ATP13A3: variants seen among roughly 807,000 people sequenced by gnomAD.
ATP13A3 encodes the protein polyamine-transporting ATPase 13A3.
Under a neutral mutation model 158.1 loss-of-function variants are expected in ATP13A3, and 59 were observed. That is an observed-to-expected ratio of 0.37 (90% CI 0.30 to 0.46). The LOEUF (loss-of-function observed/expected upper bound fraction) is 0.46. ATP13A3 is among the 20% of genes least tolerant of loss of function. The pLI is 1.00. For missense variants in ATP13A3, 1,166 were observed against 1,525.2 expected, an observed-to-expected ratio of 0.76 and a Z score of 3.92; for synonymous variants, 491 against 504.3, an observed-to-expected ratio of 0.97 and a Z score of 0.35.
intron 31 of ATP13A3, 71 bp from the exon 32 acceptor site, chr3:194,413,910 T>C (rs943018920): frequency 7.5e-7 from 1 of 1,340,734 alleles, no homozygotes; most frequent in African/African-American, 1.4e-5. Context: ...TATCATAATT[T>C]CTAAATTTAT....
intron 33 of ATP13A3, among the ~76,000 whole-genome samples, chr3:194,407,003 A>T (rs1403848715): frequency 1.3e-5 from 2 of 152,174 alleles, no homozygotes; most frequent in African/African-American, 4.8e-5. Flanking sequence ...GTTTTTAGTG[A>T]ATTTGGCCTT....
At chr3:194,479,023 C>G (rs1173786144) in intron 2 of ATP13A3, among the ~76,000 whole-genome samples, 3 of 152,174 alleles carry the variant, frequency 2.0e-5, no homozygotes, top group African/African-American at 4.8e-5. Flanking sequence ...AATAACTTAT[C>G]ATTGCCACAA....
rs570737469 is a variant in ATP13A3 at position 194,403,985 on chromosome 3, T to C, written c.*1934A>G. On this transcript the variant is annotated 3_prime_UTR_variant, in exon 34 of 34. Transcript: ENST00000645319. ...AAAGATGTTAAATACAATCGGATAA[T>C]TGAATTTTTAAGCTGCTACTTAGCA... 12 of 380,432 alleles carry C rather than the reference T, an allele frequency of 3.2e-5. No individual in the cohort carries two copies. Among genetic ancestry groups the C allele is most frequent in the African/African-American group, 2.1e-4 (10 of 46,732 alleles). The allele number at this position is 380,432 out of a possible 1,614,324, so 23.6% of individuals were successfully genotyped here. A position where few individuals can be genotyped will look rare whatever the true frequency, so the allele number is the denominator to read the frequency against.
chr3:194,414,943 T>C (rs1178800583), intron 31 of ATP13A3, among the ~76,000 whole-genome samples: 1 of 152,154 alleles, frequency 6.6e-6, no homozygotes, highest in African/African-American at 2.4e-5. Context: ...GCCTTTAACA[T>C]ATAGATGGTG....
At chr3:194,468,392 A>AAAAAAAAAAAAC (rs1720124881) in intron 2 of ATP13A3, among the ~76,000 whole-genome samples, 1 of 149,570 alleles carries the variant, frequency 6.7e-6, no homozygotes, top group African/African-American at 2.6e-5. Flanking sequence ...AGTTTAAAAA[A>AAAAAAAAAAAAC]AAAAAAAAAA....
chr3:194,467,775 T>C (rs1332749867), intron 2 of ATP13A3: 3 of 152,128 alleles, frequency 2.0e-5, no homozygotes, highest in African/African-American at 7.2e-5. Context: ...ATAAACATAT[T>C]TAAAATACAC....
chr3:194,418,348 A>G (rs1716043240), intron 31 of ATP13A3, among the ~76,000 whole-genome samples: 1 of 152,298 alleles, frequency 6.6e-6, no homozygotes, highest in African/African-American at 2.4e-5. Flanking sequence ...TTAAAAAGAG[A>G]TATTATAAAC....
rs572785801 is a variant in ATP13A3, at chr3:194,456,982, G to T, written c.560+112C>A. 2.1e-4 allele frequency: 134 copies of T among 625,178 alleles called. 4 individuals are homozygous for T. Among genetic ancestry groups the T allele is most frequent in the South Asian group, 1.9e-3 (68 of 36,542 alleles). The allele number at this position is 625,178 out of a possible 1,614,324, so 38.7% of individuals were successfully genotyped here. ...CAATAAATTCTCAACTACTATGTCT[G>T]TAATATTTAAGTATCTGTTAATATG... On this transcript the variant is annotated intron_variant, in intron 7 of 33. Transcript: ENST00000645319.
At chr3:194,442,847 A>C (rs1231651794) in intron 15 of ATP13A3, among the ~76,000 whole-genome samples, 2 of 152,154 alleles carry the variant, frequency 1.3e-5, no homozygotes, top group African/African-American at 2.4e-5. Flanking sequence ...TACTAAAAAG[A>C]CTAAGATTTA....
rs775426889 is a variant in ATP13A3 at position 194,402,872 on chromosome 3, G to A, written c.*3047C>T. ...ATAAAGTTACTTAAAAAAATCCAAGGTCTTAGGGAATTCACAAATCATAAC... is the reference window on the plus strand; with the variant it reads ...ATAAAGTTACTTAAAAAAATCCAAGATCTTAGGGAATTCACAAATCATAAC... On this transcript the variant is annotated 3_prime_UTR_variant, in exon 34 of 34. Transcript: ENST00000645319. 1.6e-4 allele frequency: 24 copies of A among 152,010 alleles called. No homozygotes were observed. The highest frequency in any genetic ancestry group is 2.8e-4 in the Non-Finnish European group (19 of 68,012). The allele number at this position is 152,010 out of a possible 1,614,324, so 9.4% of individuals were successfully genotyped here.
At position 194,486,897 on chromosome 3, in the gene ATP13A3, C is replaced by G. The variant is rs1189584951; in HGVS notation, c.-420G>C. On this transcript the variant is annotated 5_prime_UTR_variant, in exon 1 of 34. Transcript: ENST00000645319. ...CGGTCTGCACTCCGAAACGGCCCCC[C>G]CGCCGCCAGCGACGTAGAGAACCCC... 1 of 152,062 alleles carries G rather than the reference C, an allele frequency of 6.6e-6. No individual in the cohort carries two copies. Among genetic ancestry groups the G allele is most frequent in the African/African-American group, 2.4e-5 (1 of 41,404 alleles). The allele number at this position is 152,062 out of a possible 1,614,324, so 9.4% of individuals were successfully genotyped here.
chr3:194,491,871 C>T (rs1721151106), upstream of ATP13A3, among the ~76,000 whole-genome samples: 1 of 151,668 alleles, frequency 6.6e-6, no homozygotes, highest in South Asian at 2.1e-4. Context: ...GGCATGCCTC[C>T]TCCATCTCTC....
chr3:194,462,019 G>T, intron 3 of ATP13A3, 121 bp downstream of exon 3: 2 of 847,742 alleles, frequency 2.4e-6, no homozygotes, highest in Non-Finnish European at 3.9e-6. Flanking sequence ...GATGAAGAAA[G>T]AAGCCCATTG....
At chr3:194,486,372 C>G (rs960417094) in intron 1 of ATP13A3, among the ~76,000 whole-genome samples, 194 bp downstream of exon 1, 29 of 151,912 alleles carry the variant, frequency 1.9e-4, no homozygotes, top group Admixed American at 1.2e-3. Context: ...CGCGTCCCCC[C>G]CAGGCCTTCG....
intron 2 of ATP13A3, among the ~76,000 whole-genome samples, chr3:194,471,488 G>A (rs921678379): frequency 7.9e-5 from 12 of 151,962 alleles, no homozygotes; most frequent in African/African-American, 2.7e-4. Context: ...TGAGTAGCTG[G>A]GACCACAGGT....
chr3:194,424,931 C>A (rs763362715), intron 30 of ATP13A3, among the ~76,000 whole-genome samples: 42 of 152,308 alleles, frequency 2.8e-4, no homozygotes, highest in Admixed American at 4.6e-4. Context: ...ATAATACCTA[C>A]TGTTCCAACT....
chr3:194,432,999 T>G (rs549540453), intron 21 of ATP13A3, among the ~76,000 whole-genome samples: 1 of 152,246 alleles, frequency 6.6e-6, no homozygotes, highest in African/African-American at 2.4e-5. Flanking sequence ...TATAAACATT[T>G]CATGCTATCG....
chr3:194,493,877 A>G (rs567832408), intron 2 of ATP13A3, among the ~76,000 whole-genome samples: 1 of 152,254 alleles, frequency 6.6e-6, no homozygotes, highest in African/African-American at 2.4e-5. Flanking sequence ...TACATATATG[A>G]TCTCATTAAC....
chr3:194,447,771 G>C lies in ATP13A3; in HGVS notation c.1308+81C>G, dbSNP rs9861816. Reference sequence around the variant, plus strand: ...TTAAAATTTTAGTTCCTCATTCTCAGTAGCCACATTTCAAATCCTCAATAG... The same window carrying C: ...TTAAAATTTTAGTTCCTCATTCTCACTAGCCACATTTCAAATCCTCAATAG... On this transcript the variant is annotated intron_variant, in intron 13 of 33. Transcript: ENST00000645319. 314,701 of 1,277,386 alleles carry C rather than the reference G, an allele frequency of 0.25. 50,827 individuals carry two copies. Among genetic ancestry groups the C allele is most frequent in the African/African-American group, 0.77 (51,519 of 66,514 alleles). 79.1% of individuals were successfully genotyped at this position (1,277,386 alleles called of 1,614,324 possible). A position where few individuals can be genotyped will look rare whatever the true frequency, so the allele number is the denominator to read the frequency against.
Sources: gnomAD v4.1 joint callset for allele counts (sites outside exome capture counted in the v4.1 genomes callset) on GRCh38, gnomAD v4.1.1 for gene constraint, MANE v1.5 for transcripts, NCBI Gene and HGNC (gene_info 2026-07-23, HGNC 2026-07-21) for gene names.